Variants in LRP4 observed in about 807,000 individuals in gnomAD.
LRP4 encodes the protein LDL receptor related protein 4, also known as low-density lipoprotein receptor-related protein 4.
In LRP4, 95 loss-of-function variants were observed where a neutral mutation model predicts 220.3. That is an observed-to-expected ratio of 0.43 (90% CI 0.37 to 0.51). LRP4 has a LOEUF of 0.51. Ranked by LOEUF, LRP4 falls within the 20% of genes least tolerant of loss-of-function variation. The pLI is 0.00. For synonymous variants in LRP4, 903 were observed against 954.6 expected, an observed-to-expected ratio of 0.95 and a Z score of 1.00; for missense variants, 1,925 against 2,567.0, an observed-to-expected ratio of 0.75 and a Z score of 5.40.
In LRP4 at chr11:46,890,423, C is replaced by A; in HGVS notation, c.1769G>T (p.Arg590Leu). The A allele has an allele frequency of 6.2e-7, 1 of 1,614,060 alleles. No homozygotes were observed. The highest frequency in any genetic ancestry group is 1.1e-5 in the South Asian group (1 of 91,080). ...EASSMDGSGR[R>L]IIADTHLFWP... is the part of the protein sequence containing the mutation. Reference sequence around the variant, plus strand: ...GAAGAGATGGGTATCGGCAATGATGCGGCGTCCAGAGCCATCCATGCTGGA... The same window carrying A: ...GAAGAGATGGGTATCGGCAATGATGAGGCGTCCAGAGCCATCCATGCTGGA... Residue 590 changes from arginine to leucine, a missense_variant, in exon 14 of 38, where the codon CGC becomes CTC. Physicochemically the swap from Arg to Leu is moderately radical, Grantham distance 102. This residue lies in a region of LRP4 where 269 missense variants were observed against 436.7 expected (regional missense o/e 0.62). Transcript: ENST00000378623. This position sits in a 1 kb window ranked among gnomAD's most constrained non-coding sequence, Gnocchi z 5.3.
chr11:46,896,287 CA>C lies in LRP4; in HGVS notation c.970del (p.Cys324AlafsTer73), dbSNP rs780427048. ...GTTGCACAGCTTCCTCTGCCCAATG[CA>C]GCGCCCATTCCAACACAGGAACTGG... ...LDQFLCWNGR[C>X]IGQRKLCNGV... On this transcript the variant is annotated frameshift_variant, in exon 9 of 38. Transcript: ENST00000378623. LOFTEE classifies it high-confidence loss of function. 8 of 1,614,074 alleles carry C rather than the reference CA, an allele frequency of 5.0e-6. No homozygotes were observed. Among genetic ancestry groups the C allele is most frequent in the Non-Finnish European group, 5.9e-6 (7 of 1,180,054 alleles).
chr11:46,900,063 T>C (rs1941633747), intron 3 of LRP4, 87 bp from the exon 4 acceptor site: 3 of 1,131,262 alleles, frequency 2.7e-6, no homozygotes, highest in Non-Finnish European at 4.0e-6. Context: ...AGCAGTCAAG[T>C]AGCTCCAGTG....
rs1940453628 is a variant in LRP4 at position 46,858,899 on chromosome 11, C to T, written c.*84G>A. The T allele has an allele frequency of 5.4e-6, 7 of 1,296,610 alleles. No homozygotes were observed. Among genetic ancestry groups the T allele is most frequent in the South Asian group, 4.8e-5 (4 of 84,050 alleles). 80.3% of individuals were successfully genotyped at this position (1,296,610 alleles called of 1,614,324 possible). A position where few individuals can be genotyped will look rare whatever the true frequency, so the allele number is the denominator to read the frequency against. ...GAGGAGGAGGACAAGCACACAGAAG[C>T]GGGGCCTGCGGTGTAAGCGAGCACA... On this transcript the variant is annotated 3_prime_UTR_variant, in exon 38 of 38. Transcript: ENST00000378623.
At chr11:46,900,092 A>T (rs1023343635) in intron 3 of LRP4, 116 bp from the exon 4 acceptor site, 5 of 1,003,990 alleles carry the variant, frequency 5.0e-6, no homozygotes, top group Non-Finnish European at 7.8e-6. Flanking sequence ...AGGGCTCCGA[A>T]GGAGGTGGCT....
At chr11:46,895,796 CA>C in intron 10 of LRP4, 87 bp downstream of exon 10, 1 of 1,573,960 alleles carries the variant, frequency 6.4e-7, no homozygotes. Flanking sequence ...TCACACCGTT[CA>C]AATGCCTGAC....
rs530542752 is a variant in LRP4, at chr11:46,884,307, A to T, written c.2507-331T>A. Among the ~76,000 whole-genome samples, 15 of 152,282 alleles carry T rather than the reference A, an allele frequency of 9.9e-5. No homozygotes were observed. The South Asian group carries it at 1.2e-3, about 13-fold the overall frequency. On this transcript the variant is annotated intron_variant, in intron 18 of 37. Transcript: ENST00000378623. ...AACCTAACACCCAAAGATTTTTTTT[A>T]AAATAAAAATATTCAGCCGGGCGTG...
At position 46,859,269 on chromosome 11, in the gene LRP4, T is replaced by G; in HGVS notation, c.5432A>C (p.Glu1811Ala). Residue 1811 changes from glutamate to alanine, a missense_variant, in exon 38 of 38, where the codon GAG becomes GCG. Around this residue, in one of 3 missense-constraint regions of LRP4, gnomAD observed 1,244 missense variants for 1,624.9 expected, o/e 0.77. Coordinates refer to ENST00000378623, the MANE Select transcript of LRP4 (RefSeq NM_002334.4). ...NYTKEKIKIV[E>A]GICLLSGDDA... is the part of the protein sequence containing the mutation. The stretch of plus-strand genomic sequence containing the variant: ...ATCCCCAGACAGGAGGCAGATTCCC[T>G]CTACGATCTTGATCTTCTCCTTGGT... 1 of 1,614,116 alleles carries G rather than the reference T, an allele frequency of 6.2e-7. No homozygotes were observed. Among genetic ancestry groups the G allele is most frequent in the Non-Finnish European group, 8.5e-7 (1 of 1,180,020 alleles).
At chr11:46,884,899 G>A (rs142073750) in intron 18 of LRP4, among the ~76,000 whole-genome samples, 20 of 152,152 alleles carry the variant, frequency 1.3e-4, no homozygotes, top group African/African-American at 4.3e-4. Flanking sequence ...GCAGCAGAGC[G>A]AGACTCCATC....
intron 7 of LRP4, among the ~76,000 whole-genome samples, chr11:46,897,368 ATTTTT>A (rs1205633560): frequency 1.2e-5 from 1 of 86,712 alleles, no homozygotes; most frequent in Non-Finnish European, 2.4e-5. Flanking sequence ...TTTTATTTTT[ATTTTT>A]TTTTATTTTT....
In LRP4 at chr11:46,881,859, C is replaced by T. The variant is rs1179167925; in HGVS notation, c.2657G>A (p.Arg886Gln). 7 of 1,614,112 alleles carry T rather than the reference C, an allele frequency of 4.3e-6. No individual in the cohort carries two copies. The highest frequency in any genetic ancestry group is 5.1e-6 in the Non-Finnish European group (6 of 1,179,976). The change falls in exon 20 of 38, where the codon CGA (arginine) becomes CAA (glutamine). Residue 886 changes from arginine (R) to glutamine (Q), a missense_variant. Around this residue, in one of 3 missense-constraint regions of LRP4, gnomAD observed 1,244 missense variants for 1,624.9 expected, o/e 0.77. Transcript: ENST00000378623. Reference sequence around the variant, plus strand: ...GCGGCCTGAGGCATCCATGCCAGCTCGTTCAATCTTGGGGCTCGCACCCCA... The same window carrying T: ...GCGGCCTGAGGCATCCATGCCAGCTTGTTCAATCTTGGGGCTCGCACCCCA... ...TDWGASPKIE[R>Q]AGMDASGRQV...
rs1940398063 is a variant in LRP4, at chr11:46,857,043, G to C, written c.*1940C>G. ...GGACAGAGAGATTTTGCTTTTTACA[G>C]AGTAAATCAGTGCTCAAATAGATAC... On this transcript the variant is annotated 3_prime_UTR_variant, in exon 38 of 38. Coordinates refer to ENST00000378623, the MANE Select transcript of LRP4 (RefSeq NM_002334.4). 1 of 152,622 alleles carries C rather than the reference G, an allele frequency of 6.6e-6. No homozygotes were observed. The highest frequency in any genetic ancestry group is 2.4e-5 in the African/African-American group (1 of 41,440). 9.5% of individuals were successfully genotyped at this position (152,622 alleles called of 1,614,324 possible). A position where few individuals can be genotyped will look rare whatever the true frequency, so the allele number is the denominator to read the frequency against.
At chr11:46,892,341 G>T (rs141200577) in intron 13 of LRP4, among the ~76,000 whole-genome samples, 49 of 152,216 alleles carry the variant, frequency 3.2e-4, no homozygotes, top group African/African-American at 1.1e-3. Flanking sequence ...ATAAAAATAC[G>T]AAACACCTAC....
intron 1 of LRP4, among the ~76,000 whole-genome samples, chr11:46,904,760 G>C (rs188696016): frequency 6.6e-6 from 1 of 152,024 alleles, no homozygotes. Context: ...TTTGAGCACA[G>C]CAGTTTTGAG....
rs369468499 is a variant in LRP4, at chr11:46,896,341, G to C, written c.923-6C>G. ...CAAGGCACATTGGGGGCTTCCTAGAGAGATGGAGGGTCAGGTCATAGCAAG... is the reference window on the plus strand; with the variant it reads ...CAAGGCACATTGGGGGCTTCCTAGACAGATGGAGGGTCAGGTCATAGCAAG... On this transcript the variant is annotated splice_region_variant and splice_polypyrimidine_tract_variant and intron_variant, in intron 8 of 37. Transcript: ENST00000378623. 4.2e-5 allele frequency: 67 copies of C among 1,613,208 alleles called. No individual in the cohort carries two copies. The highest frequency in any genetic ancestry group is 5.3e-5 in the Non-Finnish European group (62 of 1,180,002).
intron 1 of LRP4, among the ~76,000 whole-genome samples, chr11:46,913,064 C>T (rs1344373413): frequency 1.3e-5 from 2 of 152,190 alleles, no homozygotes; most frequent in Non-Finnish European, 2.9e-5. Flanking sequence ...GGGTCCCAGA[C>T]AGCGCCCCTC....
At position 46,879,190 on chromosome 11, in the gene LRP4, C is replaced by G; in HGVS notation, c.2940G>C (p.Glu980Asp). ...GGTTTTCCAGGTTCTCCTGCAGAGT[C>G]TCCCGGTCCAGCCCTGTCAGCCGGT... ...SADRLTGLDR[E>D]TLQENLENLM... The change falls in exon 21 of 38, where the codon GAG becomes GAC. Residue 980 changes from glutamate to aspartate, a missense_variant. Transcript: ENST00000378623. 1 of 1,614,228 alleles carries G rather than the reference C, an allele frequency of 6.2e-7. No individual in the cohort carries two copies. Among genetic ancestry groups the G allele is most frequent in the Non-Finnish European group, 8.5e-7 (1 of 1,180,042 alleles).
chr11:46,918,234 G>A lies in LRP4; in HGVS notation c.52+94C>T. On this transcript the variant is annotated intron_variant, in intron 1 of 37. Transcript: ENST00000378623. The surrounding 1 kb of genome is among the most constrained non-coding windows in gnomAD (Gnocchi z 6.0). ...CCACGGCTAGGAGCGAGGGCGAGGGGTCTCAGGCCCCGGCCCGCGCCGTCC... is the reference window on the plus strand; with the variant it reads ...CCACGGCTAGGAGCGAGGGCGAGGGATCTCAGGCCCCGGCCCGCGCCGTCC... The A allele has an allele frequency of 7.5e-7, 1 of 1,331,734 alleles. No homozygotes were observed. The allele number at this position is 1,331,734 out of a possible 1,614,324, so 82.5% of individuals were successfully genotyped here. A position where few individuals can be genotyped will look rare whatever the true frequency, so the allele number is the denominator to read the frequency against.
At chr11:46,917,582 G>A (rs1231231463) in intron 1 of LRP4, among the ~76,000 whole-genome samples, 1 of 152,140 alleles carries the variant, frequency 6.6e-6, no homozygotes, top group East Asian at 1.9e-4. Context: ...AGGGTTACCG[G>A]CCCCCTGCCC....
rs765327905 is a variant in LRP4, at chr11:46,876,548, T to C, written c.3454A>G (p.Asn1152Asp). 51 of 1,614,120 alleles carry C rather than the reference T, an allele frequency of 3.2e-5. No homozygotes were observed. Among genetic ancestry groups the C allele is most frequent in the Middle Eastern group, 1.6e-4 (1 of 6,084 alleles). ...DTGTNRIEVG[N>D]LDGSMRKVLV... ...ACTTTCCGCATGGACCCGTCCAGGT[T>C]GCCCACTTCAATCCGGTTTGTTCCC... Residue 1152 changes from asparagine to aspartate, a missense_variant, in exon 25 of 38, where the codon AAC becomes GAC. Coordinates refer to ENST00000378623, the MANE Select transcript of LRP4 (RefSeq NM_002334.4).
Sources: gnomAD v4.1 joint callset for allele counts (sites outside exome capture counted in the v4.1 genomes callset) on GRCh38, gnomAD v4.1.1 for gene constraint, gnomAD v4.1.1 regional missense constraint, Gnocchi (gnomAD v3.1) non-coding constraint, MANE v1.5 for transcripts, NCBI Gene and HGNC (gene_info 2026-07-23, HGNC 2026-07-21) for gene names.